Variants in CCDC18 observed in about 807,000 individuals in gnomAD.
CCDC18 encodes the protein coiled-coil domain-containing protein 18.
Under a neutral mutation model 196.0 loss-of-function variants are expected in CCDC18, and 157 were observed. The observed-to-expected ratio is 0.80, with a 90% CI of 0.70 to 0.91. The LOEUF is 0.91. CCDC18 is among the 40% of genes least tolerant of loss of function. CCDC18 has a pLI of 0.00. For synonymous variants in CCDC18, 482 were observed against 529.2 expected (o/e 0.91, Z 1.22); for missense variants, 1,465 against 1,611.6 (o/e 0.91, Z 1.56).
At chr1:93,247,642 C>G (rs2100966252) in intron 23 of CCDC18, among the ~76,000 whole-genome samples, 1 of 152,132 alleles carries the variant, frequency 6.6e-6, no homozygotes, top group Admixed American at 6.5e-5. Flanking sequence ...TCTCAAACTC[C>G]TGGGCTCAAG....
rs562078895 is a variant in CCDC18, at chr1:93,249,318, T to C, written c.3198+2364T>C. Among the ~76,000 whole-genome samples the C allele has an allele frequency of 3.3e-5, 5 of 152,316 alleles. No homozygotes were observed. In the East Asian group the frequency reaches 9.6e-4, roughly 29 times the overall value. On this transcript the variant is annotated intron_variant, in intron 23 of 28. Transcript: ENST00000690025. ...GTGGTATGAGTTGTAATGTTTCCTT[T>C]TTCATCTCATTTTATTTATTTGGAT...
chr1:93,180,639 G>GCC, upstream of CCDC18: 1 of 1,334,328 alleles, frequency 7.5e-7, no homozygotes, highest in South Asian at 1.2e-5. Flanking sequence ...TCCCCGGCAA[G>GCC]CCCCGCGCCT....
chr1:93,255,580 TA>T (rs1662841700), intron 24 of CCDC18, among the ~76,000 whole-genome samples: 1 of 151,840 alleles, frequency 6.6e-6, no homozygotes, highest in African/African-American at 2.4e-5. Flanking sequence ...ACAAAAACAT[TA>T]AAAAACTAGC....
At chr1:93,227,068 C>A (rs961611791) in intron 17 of CCDC18, among the ~76,000 whole-genome samples, 1 of 150,336 alleles carries the variant, frequency 6.7e-6, no homozygotes, top group East Asian at 2.0e-4. Flanking sequence ...TAAAATTCTT[C>A]AAGAATTTTT....
chr1:93,256,637 T>G, intron 25 of CCDC18, 99 bp downstream of exon 25: 1 of 948,062 alleles, frequency 1.1e-6, no homozygotes, highest in Non-Finnish European at 1.6e-6. Flanking sequence ...ATGAACTGTA[T>G]TGCACAACAG....
intron 28 of CCDC18, among the ~76,000 whole-genome samples, chr1:93,272,393 C>A (rs1014168783): frequency 5.3e-5 from 8 of 152,196 alleles, no homozygotes; most frequent in Non-Finnish European, 8.8e-5. Context: ...TAGATTTCAT[C>A]AGGCTGTGCT....
intron 19 of CCDC18, among the ~76,000 whole-genome samples, chr1:93,236,936 C>T (rs747944558): frequency 7.2e-5 from 11 of 152,128 alleles, no homozygotes; most frequent in African/African-American, 1.9e-4. Context: ...TCCCAGGCAT[C>T]GATACTTAAT....
chr1:93,251,298 A>G (rs1247240509), intron 23 of CCDC18, among the ~76,000 whole-genome samples: 3 of 152,174 alleles, frequency 2.0e-5, no homozygotes, highest in Non-Finnish European at 4.4e-5. Flanking sequence ...TATATTGCCT[A>G]TCTCTGAATA....
At chr1:93,273,529 A>T (rs1665469888) in intron 28 of CCDC18, 1 of 152,250 alleles carries the variant, frequency 6.6e-6, no homozygotes, top group South Asian at 2.1e-4. Context: ...ATTGCCAGCC[A>T]GATAGTTCTG....
At chr1:93,182,881 T>G (rs549074779) in intron 1 of CCDC18, among the ~76,000 whole-genome samples, 1 of 152,316 alleles carries the variant, frequency 6.6e-6, no homozygotes, top group Admixed American at 6.5e-5. Context: ...AATGTAATTA[T>G]GAAAGTTCAA....
intron 4 of CCDC18, chr1:93,191,071 G>T: frequency 1.4e-6 from 1 of 698,636 alleles, no homozygotes; most frequent in Non-Finnish European, 2.5e-6. Flanking sequence ...GTTTGCGGGA[G>T]TGCTATCAGC....
chr1:93,245,993 G>T, intron 21 of CCDC18, 112 bp from the exon 22 acceptor site: 1 of 557,766 alleles, frequency 1.8e-6, no homozygotes, highest in Non-Finnish European at 3.1e-6. Flanking sequence ...TGACTTGATT[G>T]CATATATTAT....
chr1:93,179,990 TGA>T, upstream of CCDC18: 1 of 1,513,462 alleles, frequency 6.6e-7, no homozygotes, highest in Non-Finnish European at 9.0e-7. Flanking sequence ...TCTAAACGGG[TGA>T]GAGGCGACAA....
intron 25 of CCDC18, among the ~76,000 whole-genome samples, chr1:93,258,019 GCTTT>G (rs2101121906): frequency 6.6e-6 from 1 of 151,002 alleles, no homozygotes; most frequent in South Asian, 2.1e-4. Flanking sequence ...TTCCAATTCT[GCTTT>G]CTTTAAAGTG....
At chr1:93,268,997 T>C (rs1042906461) in intron 27 of CCDC18, among the ~76,000 whole-genome samples, 2 of 152,088 alleles carry the variant, frequency 1.3e-5, no homozygotes, top group African/African-American at 4.8e-5. Context: ...TGCGGCACTA[T>C]TCACAATAGG....
At chr1:93,257,808 T>G (rs1203889863) in intron 25 of CCDC18, among the ~76,000 whole-genome samples, 1 of 152,088 alleles carries the variant, frequency 6.6e-6, no homozygotes, top group African/African-American at 2.4e-5. Flanking sequence ...TGAATTAAAG[T>G]TAGGAATTTT....
chr1:93,185,589 A>T (rs1167274227), intron 3 of CCDC18, among the ~76,000 whole-genome samples: 4 of 151,960 alleles, frequency 2.6e-5, no homozygotes, highest in Non-Finnish European at 4.4e-5. Context: ...AAAAAAATGC[A>T]AGGTGCAGAA....
chr1:93,196,361 A>G (rs1057453989), intron 6 of CCDC18, among the ~76,000 whole-genome samples: 1 of 102,154 alleles, frequency 9.8e-6, no homozygotes, highest in African/African-American at 2.6e-5. Context: ...AATGTTTCAG[A>G]TAAATACTCA....
intron 21 of CCDC18, among the ~76,000 whole-genome samples, chr1:93,241,117 G>A (rs1341889997): frequency 6.6e-6 from 1 of 151,984 alleles, no homozygotes; most frequent in Non-Finnish European, 1.5e-5. Context: ...ACCACGCCTG[G>A]CTAATTTTTG....
Sources: allele counts gnomAD v4.1 joint callset (sites outside exome capture counted in the v4.1 genomes callset), GRCh38; gene constraint gnomAD v4.1.1; transcripts MANE v1.5; gene names NCBI Gene and HGNC (gene_info 2026-07-23, HGNC 2026-07-21).